Variants in MYO3A observed in about 807,000 individuals in gnomAD.
MYO3A encodes the protein myosin IIIA.
MYO3A carries 180 observed loss-of-function variants against 192.7 expected under a neutral mutation model. The ratio of observed to expected loss-of-function variants is 0.93; its 90% CI spans 0.83 to 1.06. The LOEUF (loss-of-function observed/expected upper bound fraction) is 1.06, where lower values mean the gene tolerates loss of function less well. Ranked by LOEUF, MYO3A falls within the 50% of genes least tolerant of loss-of-function variation. The pLI, the probability that MYO3A is intolerant of heterozygous loss-of-function variation, is 0.00. For synonymous variants in MYO3A, 628 were observed against 645.3 expected (o/e 0.97, Z 0.41); for missense variants, 1,896 against 1,905.0 (o/e 1.00, Z 0.09).
At chr10:26,208,917 G>T (rs771569559) in intron 34 of MYO3A, among the ~76,000 whole-genome samples, 7 of 152,120 alleles carry the variant, frequency 4.6e-5, no homozygotes, top group Non-Finnish European at 8.8e-5. Flanking sequence ...CCAATGCTGA[G>T]TAAAATCAAA....
At chr10:26,075,506 T>C (rs1405719341) in intron 14 of MYO3A, among the ~76,000 whole-genome samples, 1 of 150,956 alleles carries the variant, frequency 6.6e-6, no homozygotes, top group Non-Finnish European at 1.5e-5. Flanking sequence ...AGCTCTCATG[T>C]ATCAGTGAGA....
intron 10 of MYO3A, among the ~76,000 whole-genome samples, chr10:26,049,127 T>G (rs1434776848): frequency 6.6e-6 from 1 of 152,166 alleles, no homozygotes; most frequent in Non-Finnish European, 1.5e-5. Flanking sequence ...ACAGAGTTAT[T>G]TAATGACCTT....
At chr10:26,106,213 C>T (rs964157061) in intron 17 of MYO3A, among the ~76,000 whole-genome samples, 1 of 152,002 alleles carries the variant, frequency 6.6e-6, no homozygotes, top group Non-Finnish European at 1.5e-5. Flanking sequence ...ATTTTTGGAG[C>T]ACTGTGATTT....
chr10:26,143,425 A>C (rs977280314), intron 20 of MYO3A, 23 bp from the exon 21 acceptor site: 3 of 1,589,894 alleles, frequency 1.9e-6, no homozygotes, highest in Non-Finnish European at 2.6e-6. Flanking sequence ...TCACAGTTTT[A>C]AGTGGTTTTG....
rs370029963 is a variant in MYO3A, at chr10:26,174,506, G to A, written c.4242G>A (p.Ser1414=). 178 of 1,613,792 alleles carry A rather than the reference G, an allele frequency of 1.1e-4. No homozygotes were observed. The highest frequency in any genetic ancestry group is 1.4e-4 in the Non-Finnish European group (165 of 1,180,014). The change falls in exon 30 of 35, where the codon TCG becomes TCA. Residue 1414 remains serine, a synonymous_variant. Transcript: ENST00000642920. ...TCAAGAAGAAGGATAACAAAGACTC[G>A]AAAGCAACTTCAGAAAGAGAAGCAT... is the stretch of plus-strand genomic sequence containing the variant. ...NNIKKKDNKD[S]KATSEREACG...
Position 26,125,449 on chromosome 10 carries a change from C to A in MYO3A, c.1955C>A (p.Ser652Tyr). The A allele has an allele frequency of 6.2e-7, 1 of 1,614,018 alleles. No homozygotes were observed. Among genetic ancestry groups the A allele is most frequent in the South Asian group, 1.1e-5 (1 of 91,066 alleles). ...RADELQEALT[S>Y]HCVVTRGETI... ...GATGAGCTACAAGAAGCTCTCACCT[C>A]CCACTGTGTGGTCACTAGAGGAGAA... Residue 652 changes from serine (S) to tyrosine (Y), a missense_variant, in exon 19 of 35, where the codon TCC becomes TAC. By Grantham distance (144) the Ser-to-Tyr change is moderately radical (BLOSUM62 -2). Coordinates refer to ENST00000642920, the MANE Select transcript of MYO3A (RefSeq NM_017433.5).
At chr10:26,195,809 T>C (rs1221714704) in intron 32 of MYO3A, among the ~76,000 whole-genome samples, 1 of 152,232 alleles carries the variant, frequency 6.6e-6, no homozygotes, top group Non-Finnish European at 1.5e-5. Flanking sequence ...CCAAGAGAGC[T>C]CTTCCTATAT....
At chr10:26,070,613 A>T (rs1019553469) in intron 14 of MYO3A, among the ~76,000 whole-genome samples, 4 of 152,072 alleles carry the variant, frequency 2.6e-5, no homozygotes, top group African/African-American at 9.6e-5. Flanking sequence ...TATCACACTT[A>T]TTAGGCAAGG....
Position 26,131,496 on chromosome 10 carries a change from G to A in MYO3A, c.2262+2958G>A, listed in dbSNP as rs543823636. ...AGGAATCTCTATTATCCACTCACTG[G>A]CAGCTATACCTCCTTTCTCTTATAG... On this transcript the variant is annotated intron_variant, in intron 20 of 34. Coordinates refer to ENST00000642920, the MANE Select transcript of MYO3A (RefSeq NM_017433.5). Among the ~76,000 whole-genome samples the A allele has an allele frequency of 4.6e-5, 7 of 152,200 alleles. No homozygotes were observed. In the South Asian group the frequency reaches 1.5e-3, roughly 32 times the overall value.
At chr10:26,199,942 A>G (rs1336306940) in intron 32 of MYO3A, among the ~76,000 whole-genome samples, 1 of 152,218 alleles carries the variant, frequency 6.6e-6, no homozygotes, top group East Asian at 1.9e-4. Flanking sequence ...AACAACCACC[A>G]CAACAAACAG....
rs1371118076 is a variant in MYO3A at position 26,173,660 on chromosome 10, C to G, written c.3399-3C>G. The stretch of plus-strand genomic sequence containing the variant: ...ATATTCAAAGATAATATATTTTACA[C>G]AGGGAATCTTTCGTGAAGAAACAAG... On this transcript the variant is annotated splice_region_variant and splice_polypyrimidine_tract_variant and intron_variant, in intron 29 of 34. Coordinates refer to ENST00000642920, the MANE Select transcript of MYO3A (RefSeq NM_017433.5). 1 of 1,611,526 alleles carries G rather than the reference C, an allele frequency of 6.2e-7. No individual in the cohort carries two copies. Among genetic ancestry groups the G allele is most frequent in the South Asian group, 1.1e-5 (1 of 90,950 alleles).
chr10:26,062,525 A>AAAACAAAAAAACAAAAAAAAC, intron 10 of MYO3A, among the ~76,000 whole-genome samples: 2 of 115,990 alleles, frequency 1.7e-5, no homozygotes, highest in African/African-American at 2.8e-5. Flanking sequence ...CAAAAAAAAA[A>AAAACAAAAAAACAAAAAAAAC]AAAAAAAATT....
chr10:25,938,890 CAG>C (rs777043819), intron 2 of MYO3A, among the ~76,000 whole-genome samples: 24 of 152,124 alleles, frequency 1.6e-4, no homozygotes, highest in Non-Finnish European at 2.9e-4. Context: ...ACTTATGAAG[CAG>C]TTATTACTAA....
At chr10:25,973,508 A>G (rs1390234699) in intron 4 of MYO3A, among the ~76,000 whole-genome samples, 1 of 152,136 alleles carries the variant, frequency 6.6e-6, no homozygotes, top group Non-Finnish European at 1.5e-5. Flanking sequence ...CAGAACTTCC[A>G]ATACTATGTT....
rs1564398659 is a variant in MYO3A at position 25,952,124 on chromosome 10, T to C, written c.14T>C (p.Ile5Thr). MFPL[I>T]GKTIIFDNFP... ...TAAACCTTTGAGATGTTTCCATTAATTGGAAAAACAATCATCTTTGATAAC... is the reference window on the plus strand; with the variant it reads ...TAAACCTTTGAGATGTTTCCATTAACTGGAAAAACAATCATCTTTGATAAC... Residue 5 changes from isoleucine (I) to threonine (T), a missense_variant, in exon 3 of 35, where the codon ATT becomes ACT. Coordinates refer to ENST00000642920, the MANE Select transcript of MYO3A (RefSeq NM_017433.5). The C allele has an allele frequency of 6.2e-7, 1 of 1,610,918 alleles. No homozygotes were observed. The highest frequency in any genetic ancestry group is 8.5e-7 in the Non-Finnish European group (1 of 1,177,736).
In MYO3A at chr10:26,104,076, A is replaced by G. The variant is rs1324111050; in HGVS notation, c.1776+7394A>G. 3.3e-5 allele frequency among the ~76,000 whole-genome samples: 5 copies of G among 151,632 alleles called. No homozygotes were observed. The East Asian group carries it at 9.6e-4, about 29-fold the overall frequency. ...TATTGAGTTGTAGAAATTTTTTATAATCTAGGTATACTAGCCCCTTATCAG... is the reference window on the plus strand; with the variant it reads ...TATTGAGTTGTAGAAATTTTTTATAGTCTAGGTATACTAGCCCCTTATCAG... On this transcript the variant is annotated intron_variant, in intron 17 of 34. Transcript: ENST00000642920.
chr10:26,185,134 C>A (rs908195951), intron 31 of MYO3A, among the ~76,000 whole-genome samples: 1 of 151,978 alleles, frequency 6.6e-6, no homozygotes, highest in African/African-American at 2.4e-5. Context: ...AGTGAGACAC[C>A]CCTTAAGACT....
At chr10:25,970,525 A>C (rs972150754) in intron 4 of MYO3A, among the ~76,000 whole-genome samples, 2 of 151,974 alleles carry the variant, frequency 1.3e-5, no homozygotes, top group Non-Finnish European at 2.9e-5. Flanking sequence ...TTTTGCCTTA[A>C]GAAGTTAATA....
chr10:25,978,053 A>G (rs1444709916), intron 4 of MYO3A, among the ~76,000 whole-genome samples: 3 of 152,222 alleles, frequency 2.0e-5, no homozygotes, highest in Non-Finnish European at 2.9e-5. Flanking sequence ...AGTAGAAGAC[A>G]TAAAGGATAT....
Sources: allele counts gnomAD v4.1 joint callset (sites outside exome capture counted in the v4.1 genomes callset), GRCh38; gene constraint gnomAD v4.1.1; transcripts MANE v1.5; gene names NCBI Gene and HGNC (gene_info 2026-07-23, HGNC 2026-07-21).